AHSA1: variants seen among roughly 807,000 people sequenced by gnomAD.
AHSA1 encodes the protein activator of 90 kDa heat shock protein ATPase homolog 1.
Under a neutral mutation model 46.1 loss-of-function variants are expected in AHSA1, and 14 were observed. The ratio of observed to expected loss-of-function variants is 0.30; its 90% confidence interval spans 0.20 to 0.47. The LOEUF is 0.47. AHSA1 is among the 20% of genes least tolerant of loss of function. The probability of loss-of-function intolerance (pLI) is 0.99; values close to 1 mark genes in which losing one functional copy is unlikely to be tolerated. For synonymous variants in AHSA1, 147 were observed against 145.8 expected (o/e 1.01, Z -0.06); for missense variants, 333 against 415.9 (o/e 0.80, Z 1.73).
intron 3 of AHSA1, 52 bp downstream of exon 3, chr14:77,462,294 G>A (rs74559216): frequency 1.1e-5 from 17 of 1,518,382 alleles, no homozygotes; most frequent in Admixed American, 1.7e-5. Context: ...CTTATTCTCA[G>A]ATGAGAAAAG....
At chr14:77,465,460 G>C in intron 5 of AHSA1, 79 bp from the exon 6 acceptor site, 1 of 1,501,134 alleles carries the variant, frequency 6.7e-7, no homozygotes, top group East Asian at 2.3e-5. Context: ...AGAATGAATG[G>C]TACAACTGTC....
intron 5 of AHSA1, among the ~76,000 whole-genome samples, 191 bp from the exon 6 acceptor site, chr14:77,465,345 TGAG>T (rs1398803828): frequency 6.6e-6 from 1 of 152,240 alleles, no homozygotes; most frequent in Non-Finnish European, 1.5e-5. Flanking sequence ...TACTGGGAAT[TGAG>T]GAGGTTTCCA....
intron 1 of AHSA1, 35 bp downstream of exon 1, chr14:77,458,304 C>A (rs1489531634): frequency 6.5e-7 from 1 of 1,537,072 alleles, no homozygotes; most frequent in Non-Finnish European, 8.8e-7. Flanking sequence ...CCTTGGGAGA[C>A]CTGCGGCCGG....
rs541991708 is a variant in AHSA1 at position 77,468,852 on chromosome 14, G to C, written c.845-225G>C. 4 of 632,598 alleles carry C rather than the reference G, an allele frequency of 6.3e-6. No homozygotes were observed. In the South Asian group the frequency reaches 7.6e-5, roughly 12 times the overall value. 39.2% of individuals were successfully genotyped at this position (632,598 alleles called of 1,614,324 possible). On this transcript the variant is annotated intron_variant, in intron 8 of 8. Coordinates refer to ENST00000216479, the MANE Select transcript of AHSA1 (RefSeq NM_012111.3). Reference sequence around the variant, plus strand: ...CTGCCTCAGCCTCCCAAAGTGCTGGGATTACAGGTGCATGCCACCACGCCC... The same window carrying C: ...CTGCCTCAGCCTCCCAAAGTGCTGGCATTACAGGTGCATGCCACCACGCCC...
At chr14:77,467,746 CAT>C (rs2079053820) in intron 6 of AHSA1, among the ~76,000 whole-genome samples, 1 of 152,174 alleles carries the variant, frequency 6.6e-6, no homozygotes, top group Non-Finnish European at 1.5e-5. Flanking sequence ...TATTTTGGGA[CAT>C]GTTCTCAGAA....
chr14:77,458,291 C>G, intron 1 of AHSA1, 22 bp downstream of exon 1: 1 of 1,540,502 alleles, frequency 6.5e-7, no homozygotes, highest in South Asian at 1.2e-5. Context: ...AAAAGCAGGC[C>G]GGCCTTGGGA....
rs752557556 is a variant in AHSA1 at position 77,458,119 on chromosome 14, C to G, written c.-71C>G. 63 of 1,360,022 alleles carry G rather than the reference C, an allele frequency of 4.6e-5. No homozygotes were observed. The highest frequency in any genetic ancestry group is 6.0e-5 in the Non-Finnish European group (62 of 1,033,496). The allele number at this position is 1,360,022 out of a possible 1,614,324, so 84.2% of individuals were successfully genotyped here. A position where few individuals can be genotyped will look rare whatever the true frequency, so the allele number is the denominator to read the frequency against. On this transcript the variant is annotated 5_prime_UTR_variant, in exon 1 of 9. Transcript: ENST00000216479. ...GTAGTTTCCAGGCGCTGCCGGGCGG[C>G]TGGCACTAAGCGGTCCTGAGGCTGT...
At chr14:77,464,831 G>A in intron 5 of AHSA1, 145 bp downstream of exon 5, 1 of 659,382 alleles carries the variant, frequency 1.5e-6, no homozygotes, top group Non-Finnish European at 2.6e-6. Context: ...CAGAGCGCCT[G>A]CAATATGCAT....
intron 2 of AHSA1, among the ~76,000 whole-genome samples, chr14:77,461,496 A>C (rs376293706): frequency 7.9e-4 from 121 of 152,264 alleles, no homozygotes; most frequent in Middle Eastern, 3.4e-3. Flanking sequence ...TGCCACTGCA[A>C]TCCAGCCTGA....
chr14:77,466,277 A>G (rs2079047776), intron 6 of AHSA1: 1 of 152,384 alleles, frequency 6.6e-6, no homozygotes. Flanking sequence ...TGCCTGTTCC[A>G]GTTTTGGGTC....
chr14:77,468,040 A>C, intron 6 of AHSA1, 43 bp from the exon 7 acceptor site: 1 of 1,303,880 alleles, frequency 7.7e-7, no homozygotes, highest in Non-Finnish European at 1.0e-6. Context: ...AAAGCCATGT[A>C]TCTTCTGCCT....
chr14:77,468,011 T>C, intron 6 of AHSA1, 72 bp from the exon 7 acceptor site: 2 of 1,102,178 alleles, frequency 1.8e-6, no homozygotes, highest in Non-Finnish European at 2.5e-6. Flanking sequence ...CAGCTGGCAT[T>C]TGTCCTTGGG....
At chr14:77,465,506 CTG>C in intron 5 of AHSA1, 31 bp from the exon 6 acceptor site, 1 of 1,608,448 alleles carries the variant, frequency 6.2e-7, no homozygotes, top group Non-Finnish European at 8.5e-7. Flanking sequence ...TATCATTACT[CTG>C]TATTGATCAT....
At chr14:77,465,714 G>C (rs1368833320) in intron 6 of AHSA1, 47 bp downstream of exon 6, 1 of 1,602,334 alleles carries the variant, frequency 6.2e-7, no homozygotes, top group Admixed American at 1.7e-5. Flanking sequence ...GCCCTTCTAG[G>C]TGACTTGAGT....
chr14:77,459,348 T>TC lies in AHSA1; in HGVS notation c.81-263dup, dbSNP rs1295555276. Among the ~76,000 whole-genome samples the TC allele has an allele frequency of 2.6e-5, 4 of 152,134 alleles. No homozygotes were observed. In the East Asian group the frequency reaches 5.8e-4, roughly 22 times the overall value. ...GGCGCCATGTTAAAGTATCAAGTAT[T>TC]CCCCCGCACCATCATGCCGAGAAAG... On this transcript the variant is annotated intron_variant, in intron 1 of 8. Transcript: ENST00000216479.
intron 4 of AHSA1, among the ~76,000 whole-genome samples, chr14:77,463,598 A>AT (rs1437928361): frequency 1.8e-5 from 1 of 54,464 alleles, no homozygotes; most frequent in Non-Finnish European, 6.3e-5. Context: ...AAAAAAAAAA[A>AT]ACAAAAAAAA....
Position 77,463,998 on chromosome 14 carries a change from C to T in AHSA1, c.473-600C>T, listed in dbSNP as rs545005106. On this transcript the variant is annotated intron_variant, in intron 4 of 8. Coordinates refer to ENST00000216479, the MANE Select transcript of AHSA1 (RefSeq NM_012111.3). ...CACTCTTGAAGTCATCAAAGTGCCACGGCGTTCACGCCATCCTTCCATAGT... is the reference window on the plus strand; with the variant it reads ...CACTCTTGAAGTCATCAAAGTGCCATGGCGTTCACGCCATCCTTCCATAGT... Among the ~76,000 whole-genome samples the T allele has an allele frequency of 1.1e-4, 17 of 152,366 alleles. No individual in the cohort carries two copies. In the East Asian group the frequency reaches 1.5e-3, roughly 14 times the overall value.
intron 4 of AHSA1, 103 bp from the exon 5 acceptor site, chr14:77,464,495 C>A: frequency 9.9e-7 from 1 of 1,013,564 alleles, no homozygotes; most frequent in Non-Finnish European, 1.5e-6. Context: ...CTGGTCATAA[C>A]CTCATTCTGT....
intron 5 of AHSA1, among the ~76,000 whole-genome samples, chr14:77,465,306 CA>C (rs1309778750): frequency 2.6e-5 from 4 of 152,234 alleles, no homozygotes; most frequent in African/African-American, 9.6e-5. Context: ...ATTTGACTAT[CA>C]GGGTCTTCCT....
Sources: gnomAD v4.1 joint callset for allele counts (sites outside exome capture counted in the v4.1 genomes callset) on GRCh38, gnomAD v4.1.1 for gene constraint, MANE v1.5 for transcripts, NCBI Gene and HGNC (gene_info 2026-07-23, HGNC 2026-07-21) for gene names.